NOX5: variants seen among roughly 807,000 people sequenced by gnomAD.
NOX5 encodes the protein NADPH oxidase, EF-hand calcium binding domain 5.
In NOX5, 76 loss-of-function variants were observed where a neutral mutation model predicts 85.7. The ratio of observed to expected loss-of-function variants is 0.89; its 90% CI spans 0.74 to 1.07. The LOEUF (loss-of-function observed/expected upper bound fraction) is 1.07, where lower values mean the gene tolerates loss of function less well. Ranked by LOEUF, NOX5 falls within the 50% of genes least tolerant of loss-of-function variation. NOX5 has a pLI of 0.00. For missense variants in NOX5, 973 were observed against 999.5 expected (o/e 0.97, Z 0.36); for synonymous variants, 405 against 401.4 (o/e 1.01, Z -0.11).
chr15:69,023,208 G>A (rs2050316498), intron 1 of NOX5: 1 of 250,886 alleles, frequency 4.0e-6, no homozygotes, highest in African/African-American at 2.3e-5. Flanking sequence ...GTCACTCACA[G>A]AAAAATTAGC....
At chr15:69,048,485 A>T (rs2050704084) in intron 13 of NOX5, among the ~76,000 whole-genome samples, 1 of 152,090 alleles carries the variant, frequency 6.6e-6, no homozygotes, top group African/African-American at 2.4e-5. Context: ...GTGAGCTAAG[A>T]CCACACCACT....
At chr15:69,019,668 C>T (rs1305430803) in intron 1 of NOX5, among the ~76,000 whole-genome samples, 1 of 152,220 alleles carries the variant, frequency 6.6e-6, no homozygotes, top group Non-Finnish European at 1.5e-5. Flanking sequence ...CACAGTGCTA[C>T]TGTATTTATT....
intron 1 of NOX5, among the ~76,000 whole-genome samples, chr15:69,017,772 TTA>T (rs1491150122): frequency 2.0e-5 from 3 of 148,314 alleles, no homozygotes; most frequent in African/African-American, 7.8e-5. Flanking sequence ...TTGATATATT[TTA>T]TACACACACA....
At chr15:69,017,775 TACACACACACACACACAC>T (rs35677555) in intron 1 of NOX5, among the ~76,000 whole-genome samples, 1 of 146,758 alleles carries the variant, frequency 6.8e-6, no homozygotes, top group Admixed American at 6.9e-5. Flanking sequence ...ATATATTTTA[TACACACACACACACACAC>T]ACACACACAC....
chr15:69,042,068 T>TAA (rs34833384), intron 9 of NOX5, among the ~76,000 whole-genome samples: 78 of 141,814 alleles, frequency 5.5e-4, no homozygotes, highest in Middle Eastern at 3.6e-3. Context: ...ATCCCTGGTT[T>TAA]AAAAAAAAAA....
In NOX5 at chr15:69,058,592, C is replaced by G. The variant is rs1049276447; in HGVS notation, c.*1896C>G. Reference sequence around the variant, plus strand: ...GGGTGGGTGGAAAGCGGGGCTCGTGCTTGCACCAAGCCTCCATCTCCCTGG... The same window carrying G: ...GGGTGGGTGGAAAGCGGGGCTCGTGGTTGCACCAAGCCTCCATCTCCCTGG... On this transcript the variant is annotated 3_prime_UTR_variant, in exon 16 of 16. Coordinates refer to ENST00000388866, the MANE Select transcript of NOX5 (RefSeq NM_024505.4). 6.6e-6 allele frequency: 1 copy of G among 152,214 alleles called. No homozygotes were observed. The highest frequency in any genetic ancestry group is 2.4e-5 in the African/African-American group (1 of 41,408). The allele number at this position is 152,214 out of a possible 1,614,324, so 9.4% of individuals were successfully genotyped here.
chr15:69,047,712 C>A, intron 12 of NOX5, 118 bp from the exon 13 acceptor site: 1 of 1,312,140 alleles, frequency 7.6e-7, no homozygotes, highest in Non-Finnish European at 1.1e-6. Flanking sequence ...CATCCCTCCC[C>A]TTCCTCATAG....
intron 10 of NOX5, among the ~76,000 whole-genome samples, chr15:69,045,571 C>CTTTCTTTCTTT (rs1567105211): frequency 2.7e-4 from 2 of 7,478 alleles, no homozygotes; most frequent in African/African-American, 7.7e-4. Context: ...TTTCTTTCTT[C>CTTTCTTTCTTT]CCTTTCTTTC....
intron 13 of NOX5, 49 bp from the exon 14 acceptor site, chr15:69,048,909 CT>C: frequency 7.0e-7 from 1 of 1,420,894 alleles, no homozygotes. Context: ...TGTGAGCCTC[CT>C]GCAAATCAGG....
chr15:69,039,115 G>C, intron 9 of NOX5, 126 bp downstream of exon 9: 1 of 1,126,504 alleles, frequency 8.9e-7, no homozygotes, highest in South Asian at 1.4e-5. Context: ...GCCTCAAAAA[G>C]CTCTCTTTGA....
In NOX5 at chr15:69,055,320, C is replaced by T. The variant is rs748836200; in HGVS notation, c.2000-14C>T. The T allele has an allele frequency of 3.1e-6, 5 of 1,613,194 alleles. No individual in the cohort carries two copies. In the Admixed American group the frequency reaches 8.3e-5, roughly 27 times the overall value. On this transcript the variant is annotated splice_polypyrimidine_tract_variant and intron_variant, in intron 14 of 15. Transcript: ENST00000388866. ...ACTAGACCCTCAGTGCAGCCCTTGT[C>T]CCCTGCCCAACAGGCCGCTTCCTGG...
chr15:69,019,020 GC>G (rs2050266223), intron 1 of NOX5, among the ~76,000 whole-genome samples: 2 of 152,140 alleles, frequency 1.3e-5, no homozygotes, highest in African/African-American at 4.8e-5. Flanking sequence ...ATGCTATCAT[GC>G]CTGGCTAATT....
In NOX5 at chr15:69,037,401, G is replaced by A. The variant is rs879679591; in HGVS notation, c.1371+191G>A. The stretch of plus-strand genomic sequence containing the variant: ...CCCTCCAGGAGGGAAGCTTTAGGAA[G>A]ATGAATGGCAGGGCAGGCAATAAAC... On this transcript the variant is annotated intron_variant, in intron 8 of 15. Transcript: ENST00000388866. 1.0e-5 allele frequency: 6 copies of A among 589,762 alleles called. No individual in the cohort carries two copies. The East Asian group carries it at 1.7e-4, about 17-fold the overall frequency. The allele number at this position is 589,762 out of a possible 1,614,324, so 36.5% of individuals were successfully genotyped here.
intron 1 of NOX5, chr15:69,022,657 C>G: frequency 5.3e-6 from 1 of 188,058 alleles, no homozygotes; most frequent in South Asian, 1.2e-4. Flanking sequence ...AGCTCTTCAG[C>G]TTCCAACAAC....
rs191384808 is a variant in NOX5 at position 69,016,980 on chromosome 15, C to T, written c.50+2195C>T. 6.0e-4 allele frequency among the ~76,000 whole-genome samples: 92 copies of T among 152,262 alleles called. 1 individual carries two copies. The highest frequency in any genetic ancestry group is 1.0e-4 in the Non-Finnish European group (7 of 68,030). On this transcript the variant is annotated intron_variant, in intron 1 of 15. Transcript: ENST00000388866. ...GAGGGACCAGACATGCCTCATTATA[C>T]TCTCCTCCCTTGTGGGATTACTGAT...
At chr15:69,019,424 T>C (rs1240975118) in intron 1 of NOX5, among the ~76,000 whole-genome samples, 1 of 152,222 alleles carries the variant, frequency 6.6e-6, no homozygotes, top group African/African-American at 2.4e-5. Context: ...GATATTACAA[T>C]TGGGAGAAAC....
chr15:69,035,665 G>C, intron 6 of NOX5, 93 bp from the exon 7 acceptor site: 1 of 1,566,344 alleles, frequency 6.4e-7, no homozygotes, highest in Non-Finnish European at 8.6e-7. Flanking sequence ...GCCCGTGCTA[G>C]TATCTGATGG....
intron 14 of NOX5, among the ~76,000 whole-genome samples, chr15:69,053,449 G>A (rs528620396): frequency 2.0e-5 from 3 of 152,292 alleles, no homozygotes; most frequent in East Asian, 1.9e-4. Flanking sequence ...AGAAGTGCTA[G>A]TAGTAATAAG....
At chr15:69,042,158 C>CCA (rs1033423685) in intron 9 of NOX5, among the ~76,000 whole-genome samples, 22 of 152,070 alleles carry the variant, frequency 1.4e-4, no homozygotes, top group African/African-American at 5.1e-4. Context: ...CTATTTGGTA[C>CCA]CACTCAGCAG....
Sources: gnomAD v4.1 joint callset for allele counts (sites outside exome capture counted in the v4.1 genomes callset) on GRCh38, gnomAD v4.1.1 for gene constraint, MANE v1.5 for transcripts, NCBI Gene and HGNC (gene_info 2026-07-23, HGNC 2026-07-21) for gene names.